Variants in RSRC1 observed in about 807,000 individuals in gnomAD.
RSRC1 encodes arginine and serine rich coiled-coil 1, also known as serine/Arginine-related protein 53.
Under a neutral mutation model 49.1 loss-of-function variants are expected in RSRC1, and 39 were observed. The ratio of observed to expected loss-of-function variants is 0.79; its 90% confidence interval spans 0.61 to 1.04. The LOEUF (loss-of-function observed/expected upper bound fraction) is 1.04. Among genes scored for constraint, RSRC1 ranks in the 50% least tolerant of loss-of-function variants. RSRC1 has a pLI of 0.00. For synonymous variants in RSRC1, 143 were observed against 130.8 expected, an observed-to-expected ratio of 1.09 and a Z score of -0.63; for missense variants, 388 against 402.4, an observed-to-expected ratio of 0.96 and a Z score of 0.31.
chr3:158,219,579 A>G (rs1258626265), intron 4 of RSRC1, among the ~76,000 whole-genome samples: 1 of 151,638 alleles, frequency 6.6e-6, no homozygotes, highest in Non-Finnish European at 1.5e-5. Flanking sequence ...CATTCTGGCT[A>G]AAAGAAATAT....
intron 6 of RSRC1, among the ~76,000 whole-genome samples, chr3:158,436,518 A>C (rs1368136400): frequency 1.3e-5 from 2 of 151,976 alleles, no homozygotes; most frequent in Non-Finnish European, 2.9e-5. Context: ...ACATATATAC[A>C]CACCAGATTC....
intron 4 of RSRC1, among the ~76,000 whole-genome samples, chr3:158,234,592 C>G (rs1024603816): frequency 1.3e-5 from 1 of 79,730 alleles, no homozygotes; most frequent in Non-Finnish European, 2.4e-5. Flanking sequence ...GTTGTTCTTC[C>G]TCATATTTTT....
At chr3:158,235,148 G>A (rs1028763189) in intron 4 of RSRC1, among the ~76,000 whole-genome samples, 18 of 152,020 alleles carry the variant, frequency 1.2e-4, no homozygotes, top group African/African-American at 4.1e-4. Context: ...TCCATTCTGA[G>A]TGTCACTATG....
chr3:158,429,331 T>A (rs934778496), intron 6 of RSRC1, among the ~76,000 whole-genome samples: 2 of 149,740 alleles, frequency 1.3e-5, no homozygotes, highest in Non-Finnish European at 3.0e-5. Context: ...CTGGAGAGAT[T>A]TCCATGATAC....
chr3:158,518,148 A>ATTTTTTTT (rs72132266), intron 7 of RSRC1, among the ~76,000 whole-genome samples: 6 of 44,136 alleles, frequency 1.4e-4, no homozygotes, highest in African/African-American at 6.2e-4. Flanking sequence ...ATATATATAT[A>ATTTTTTTT]TTTTTTTTTT....
rs909339513 is a variant in RSRC1 at position 158,216,115 on chromosome 3, T to C, written c.494+12870T>C. ...ATGAATTATAAGTAGACATATATTTTATTAGGTTGGTGCAGAAGTAATTGC... is the reference window on the plus strand; with the variant it reads ...ATGAATTATAAGTAGACATATATTTCATTAGGTTGGTGCAGAAGTAATTGC... On this transcript the variant is annotated intron_variant, in intron 4 of 9. Coordinates refer to ENST00000611884, the MANE Select transcript of RSRC1 (RefSeq NM_001271838.2). Among the ~76,000 whole-genome samples, 4 of 151,636 alleles carry C rather than the reference T, an allele frequency of 2.6e-5. No individual in the cohort carries two copies. The East Asian group carries it at 7.8e-4, about 29-fold the overall frequency.
intron 5 of RSRC1, among the ~76,000 whole-genome samples, chr3:158,340,647 C>T (rs2108213654): frequency 6.6e-6 from 1 of 152,346 alleles, no homozygotes. Flanking sequence ...AATTAAACCT[C>T]TTTCTGTTCC....
At chr3:158,213,035 G>T (rs1207954176) in intron 4 of RSRC1, among the ~76,000 whole-genome samples, 1 of 151,864 alleles carries the variant, frequency 6.6e-6, no homozygotes, top group Non-Finnish European at 1.5e-5. Flanking sequence ...TGATTGACAT[G>T]TTAGATAAAT....
At chr3:158,476,259 G>A (rs960539375) in intron 7 of RSRC1, among the ~76,000 whole-genome samples, 4 of 152,158 alleles carry the variant, frequency 2.6e-5, no homozygotes, top group African/African-American at 7.2e-5. Flanking sequence ...TCTTCGTAAC[G>A]TAAAAGTGCA....
At chr3:158,213,880 G>A (rs827104) in intron 4 of RSRC1, among the ~76,000 whole-genome samples, 98,360 of 151,644 alleles carry the variant, frequency 0.65, 32,187 homozygotes, top group East Asian at 0.84. Flanking sequence ...ATTGTAAAAG[G>A]CAGTAGTAGA....
At chr3:158,262,003 C>T (rs1388487876) in intron 4 of RSRC1, among the ~76,000 whole-genome samples, 5 of 152,230 alleles carry the variant, frequency 3.3e-5, no homozygotes, top group African/African-American at 1.2e-4. Context: ...TACCCAGCCC[C>T]ATCCATGGAA....
intron 7 of RSRC1, among the ~76,000 whole-genome samples, chr3:158,503,713 A>C (rs1389824045): frequency 1.3e-5 from 2 of 150,614 alleles, no homozygotes; most frequent in African/African-American, 5.0e-5. Context: ...TGCAAACCGA[A>C]GGGCTGGTCT....
chr3:158,281,578 T>C (rs934283138), intron 4 of RSRC1, among the ~76,000 whole-genome samples: 1 of 152,102 alleles, frequency 6.6e-6, no homozygotes, highest in African/African-American at 2.4e-5. Context: ...TGAAGAGCCA[T>C]TTTTTTGAGA....
intron 7 of RSRC1, among the ~76,000 whole-genome samples, chr3:158,492,618 G>T (rs576788298): frequency 6.6e-6 from 1 of 152,264 alleles, no homozygotes; most frequent in Admixed American, 6.5e-5. Flanking sequence ...AGTGCCAGTT[G>T]CTTCTGGTTA....
intron 4 of RSRC1, among the ~76,000 whole-genome samples, chr3:158,239,025 A>G (rs190483058): frequency 1.3e-5 from 2 of 152,340 alleles, no homozygotes; most frequent in Admixed American, 6.5e-5. Flanking sequence ...TTACAAGAAA[A>G]AAAAACCATC....
chr3:158,225,615 C>T (rs1269363034), intron 4 of RSRC1: 1 of 423,002 alleles, frequency 2.4e-6, no homozygotes, highest in Non-Finnish European at 4.6e-6. Context: ...AAAGTAGAAG[C>T]ATCATAGGTA....
At chr3:158,378,154 A>T (rs1397036303) in intron 6 of RSRC1, among the ~76,000 whole-genome samples, 1 of 151,964 alleles carries the variant, frequency 6.6e-6, no homozygotes, top group Non-Finnish European at 1.5e-5. Flanking sequence ...TTCTAAAATT[A>T]TTGTTTTGTT....
At position 158,457,740 on chromosome 3, in the gene RSRC1, G is replaced by GTT. The variant is rs762873924; in HGVS notation, c.584-3184_584-3183dup. ...TTTTTTGTGTTTTGTGTTTTTTTTT[G>GTT]TTTTTTTTTTTTGTTTGTTTTTTAA... On this transcript the variant is annotated intron_variant, in intron 6 of 9. Transcript: ENST00000611884. 6.4e-3 allele frequency among the ~76,000 whole-genome samples: 504 copies of GTT among 78,760 alleles called. 6 individuals are homozygous for GTT. The highest frequency in any genetic ancestry group is 5.2e-3 in the Non-Finnish European group (193 of 37,268). The allele number at this position is 78,760 out of a possible 152,430, so 51.7% of individuals were successfully genotyped here. A position where few individuals can be genotyped will look rare whatever the true frequency, so the allele number is the denominator to read the frequency against.
At chr3:158,110,990 T>A (rs1254165851) in intron 1 of RSRC1, among the ~76,000 whole-genome samples, 1 of 152,188 alleles carries the variant, frequency 6.6e-6, no homozygotes, top group Non-Finnish European at 1.5e-5. Context: ...AAAAAAATAT[T>A]TTTTTACACT....
Sources: gnomAD v4.1 joint callset for allele counts (sites outside exome capture counted in the v4.1 genomes callset) on GRCh38, gnomAD v4.1.1 for gene constraint, MANE v1.5 for transcripts, NCBI Gene and HGNC (gene_info 2026-07-23, HGNC 2026-07-21) for gene names.